Variants in KDM7A observed in about 807,000 individuals in gnomAD.
The protein encoded by KDM7A is lysine demethylase 7A.
In KDM7A, 28 loss-of-function variants were observed where a neutral mutation model predicts 114.8. The ratio of observed to expected loss-of-function variants is 0.24; its 90% CI spans 0.18 to 0.33. The LOEUF is 0.33. KDM7A is among the 10% of genes least tolerant of loss of function. The pLI is 1.00. For missense variants in KDM7A, 942 were observed against 1,142.5 expected (o/e 0.82, Z 2.53); for synonymous variants, 423 against 397.8 (o/e 1.06, Z -0.75).
At chr7:140,096,417 C>CT (rs1818110285) in intron 17 of KDM7A, 138 bp downstream of exon 17, 4 of 665,992 alleles carry the variant, frequency 6.0e-6, no homozygotes, top group African/African-American at 3.6e-5. Context: ...CAGCATTGTG[C>CT]TTTTTTTGGT....
chr7:140,154,162 C>A (rs943821359), intron 1 of KDM7A, among the ~76,000 whole-genome samples: 1 of 152,096 alleles, frequency 6.6e-6, no homozygotes, highest in Non-Finnish European at 1.5e-5. Context: ...AGGACTGGCT[C>A]TACAGCATTC....
intron 1 of KDM7A, among the ~76,000 whole-genome samples, chr7:140,141,651 T>C (rs1449675137): frequency 6.6e-6 from 1 of 152,078 alleles, no homozygotes; most frequent in African/African-American, 2.4e-5. Flanking sequence ...CCCAGCACTC[T>C]GGGAGGCCGA....
chr7:140,135,205 C>CTTTT (rs11336171), intron 2 of KDM7A, among the ~76,000 whole-genome samples: 4 of 131,848 alleles, frequency 3.0e-5, no homozygotes, highest in Admixed American at 1.5e-4. Context: ...TACATAACTC[C>CTTTT]TTTTTTTTTT....
chr7:140,113,780 T>C (rs1355830609), intron 9 of KDM7A, among the ~76,000 whole-genome samples, 198 bp from the exon 10 acceptor site: 2 of 152,154 alleles, frequency 1.3e-5, no homozygotes, highest in East Asian at 3.9e-4. Context: ...ATTTACTAAA[T>C]ACTCCAGTTA....
At chr7:140,138,492 C>T (rs1818904583) in intron 2 of KDM7A, among the ~76,000 whole-genome samples, 1 of 152,058 alleles carries the variant, frequency 6.6e-6, no homozygotes, top group Non-Finnish European at 1.5e-5. Context: ...TGAGGCTTCC[C>T]TGGCTTTGCT....
chr7:140,085,980 T>G lies in KDM7A; in HGVS notation c.*5114A>C, dbSNP rs907205179. 6.6e-6 allele frequency: 1 copy of G among 152,224 alleles called. No individual in the cohort carries two copies. Among genetic ancestry groups the G allele is most frequent in the Non-Finnish European group, 1.5e-5 (1 of 68,042 alleles). The allele number at this position is 152,224 out of a possible 1,614,324, so 9.4% of individuals were successfully genotyped here. On this transcript the variant is annotated 3_prime_UTR_variant, in exon 20 of 20. Transcript: ENST00000397560. ...TTTATGCCTGCAAAGTATTATATATTCCAGCACTTATGATCATTGTTTTGG... is the reference window on the plus strand; with the variant it reads ...TTTATGCCTGCAAAGTATTATATATGCCAGCACTTATGATCATTGTTTTGG...
At chr7:140,131,957 CATAAT>C (rs1270136027) in intron 3 of KDM7A, among the ~76,000 whole-genome samples, 2 of 152,016 alleles carry the variant, frequency 1.3e-5, no homozygotes, top group African/African-American at 2.4e-5. Context: ...ATCTATGAAA[CATAAT>C]AGAGTAAAAA....
intron 1 of KDM7A, among the ~76,000 whole-genome samples, chr7:140,144,191 A>G (rs578197510): frequency 1.3e-5 from 2 of 152,354 alleles, no homozygotes; most frequent in South Asian, 4.1e-4. Context: ...CTGAGAGTCC[A>G]GAAATAAACT....
At chr7:140,170,872 C>T (rs1271315618) in intron 1 of KDM7A, among the ~76,000 whole-genome samples, 1 of 152,164 alleles carries the variant, frequency 6.6e-6, no homozygotes, top group African/African-American at 2.4e-5. Flanking sequence ...AATGACAAAA[C>T]ACAAGAGGCA....
At chr7:140,159,038 G>C (rs931626685) in intron 1 of KDM7A, among the ~76,000 whole-genome samples, 3 of 152,162 alleles carry the variant, frequency 2.0e-5, no homozygotes, top group African/African-American at 7.2e-5. Flanking sequence ...TTGTTTGTTT[G>C]TTTGTTTCTT....
intron 3 of KDM7A, among the ~76,000 whole-genome samples, chr7:140,133,243 G>T (rs958587972): frequency 1.3e-5 from 2 of 152,146 alleles, no homozygotes; most frequent in African/African-American, 4.8e-5. Context: ...AACTCCCTCA[G>T]ATTAGTGTAT....
At position 140,176,514 on chromosome 7, in the gene KDM7A, C is replaced by A. The variant is rs1794710427; in HGVS notation, c.194+230G>T. ...CCCTCTTTGTTCGTGTTTGTTGTGG[C>A]GACTCTTCGCCCGGGCCAGGCGAGC... On this transcript the variant is annotated intron_variant, in intron 1 of 19. Transcript: ENST00000397560. This position sits in a 1 kb window ranked among gnomAD's most constrained non-coding sequence, Gnocchi z 4.4. Among the ~76,000 whole-genome samples, 1 of 146,840 alleles carries A rather than the reference C, an allele frequency of 6.8e-6. No individual in the cohort carries two copies. The highest frequency in any genetic ancestry group is 1.5e-5 in the Non-Finnish European group (1 of 65,992).
chr7:140,101,187 T>A (rs1262914928), intron 12 of KDM7A, among the ~76,000 whole-genome samples: 3 of 152,106 alleles, frequency 2.0e-5, no homozygotes, highest in Admixed American at 6.6e-5. Flanking sequence ...TGTAAAAGTA[T>A]GGATGATGCA....
At chr7:140,171,193 T>G (rs564823363) in intron 1 of KDM7A, among the ~76,000 whole-genome samples, 37 of 151,866 alleles carry the variant, frequency 2.4e-4, no homozygotes, top group Non-Finnish European at 3.7e-4. Flanking sequence ...CCGGGCGTGG[T>G]GGCTCATACC....
chr7:140,173,291 G>GTGTT (rs1266610333), intron 1 of KDM7A, among the ~76,000 whole-genome samples: 1 of 152,110 alleles, frequency 6.6e-6, no homozygotes, highest in African/African-American at 2.4e-5. Context: ...TGCCTGGCAA[G>GTGTT]TGTTCTTTTC....
chr7:140,175,737 G>GGCGGCTGAATCAGAGGGCA (rs1394052815), intron 1 of KDM7A, among the ~76,000 whole-genome samples: 12 of 152,074 alleles, frequency 7.9e-5, no homozygotes, highest in African/African-American at 7.2e-5. Flanking sequence ...GGAGCGCGGC[G>GGCGGCTGAATCAGAGGGCA]GCGGCTGAAT....
chr7:140,100,705 TATACAC>T (rs1404476496), intron 12 of KDM7A, among the ~76,000 whole-genome samples: 3 of 38,366 alleles, frequency 7.8e-5, no homozygotes, highest in Non-Finnish European at 1.2e-4. Context: ...TATATATATA[TATACAC>T]ATATATATAT....
intron 1 of KDM7A, among the ~76,000 whole-genome samples, chr7:140,140,422 T>A (rs1411351389): frequency 2.0e-5 from 3 of 152,192 alleles, no homozygotes; most frequent in African/African-American, 7.2e-5. Flanking sequence ...TTCCATAATC[T>A]GGAAAAGGAT....
At chr7:140,137,888 A>G (rs1284977055) in intron 2 of KDM7A, among the ~76,000 whole-genome samples, 2 of 152,246 alleles carry the variant, frequency 1.3e-5, no homozygotes, top group Non-Finnish European at 2.9e-5. Context: ...TGTAAAATAA[A>G]GAGGTCATAT....
Sources: gnomAD v4.1 joint callset for allele counts (sites outside exome capture counted in the v4.1 genomes callset) on GRCh38, gnomAD v4.1.1 for gene constraint, Gnocchi (gnomAD v3.1) non-coding constraint, MANE v1.5 for transcripts, NCBI Gene and HGNC (gene_info 2026-07-23, HGNC 2026-07-21) for gene names.